The following PNCK variants were observed in gnomAD, a reference collection of about 807,000 sequenced individuals.
PNCK encodes calcium/calmodulin-dependent protein kinase type 1B.
In PNCK, 21 loss-of-function variants were observed where a neutral mutation model predicts 28.3. The observed-to-expected ratio is 0.74, with a 90% confidence interval of 0.53 to 1.07. The LOEUF (loss-of-function observed/expected upper bound fraction) is 1.07. PNCK is among the 50% of genes least tolerant of loss of function. PNCK has a pLI of 0.00. For synonymous variants in PNCK, 136 were observed against 125.2 expected, an observed-to-expected ratio of 1.09 and a Z score of -0.58; for missense variants, 250 against 298.3, an observed-to-expected ratio of 0.84 and a Z score of 1.19.
intron 1 of PNCK, among the ~76,000 whole-genome samples, chrX:153,682,766 C>G (rs1369764598): frequency 8.9e-6 from 1 of 112,137 alleles, no homozygotes; most frequent in Non-Finnish European, 1.9e-5. Context: ...ATTTGTAATT[C>G]TCCCCACCCT....
At chrX:153,687,577 G>A, upstream of PNCK, 1 of 320,465 alleles carries the variant, frequency 3.1e-6, no homozygotes, top group Non-Finnish European at 6.0e-6. Context: ...AGGGAGAGAA[G>A]GGGAGGCGGA....
At position 153,669,864 on chromosome X, in the gene PNCK, C is replaced by T. The variant is rs782262417; in HGVS notation, c.*274G>A. The T allele has an allele frequency of 1.6e-4, 53 of 341,352 alleles. No homozygotes were observed. The highest frequency in any genetic ancestry group is 2.6e-4 in the Non-Finnish European group (45 of 170,009). The allele number at this position is 341,352 out of a possible 1,213,427, so 28.1% of individuals were successfully genotyped here. A position where few individuals can be genotyped will look rare whatever the true frequency, so the allele number is the denominator to read the frequency against. On this transcript the variant is annotated 3_prime_UTR_variant, in exon 12 of 12. Transcript: ENST00000340888. ...TGCAGGAAAGACAGCCCCTGAGGCC[C>T]GCCTGCCAGCACCCCCTCGGCTTTT...
At chrX:153,680,669 G>A (rs981621089) in intron 1 of PNCK, among the ~76,000 whole-genome samples, 3 of 110,364 alleles carry the variant, frequency 2.7e-5, no homozygotes, top group African/African-American at 9.9e-5. Context: ...GGAGGTTGCA[G>A]TGAGCCAAGA....
chrX:153,687,530 G>A (rs1434257197), exon 1 of PNCK: 115 of 322,576 alleles, frequency 3.6e-4, no homozygotes, highest in African/African-American at 2.2e-3. Context: ...GGGAGCACCG[G>A]GAGGAGACGG....
At chrX:153,672,056 G>C in intron 4 of PNCK, 38 bp from the exon 5 acceptor site, 1 of 1,204,397 alleles carries the variant, frequency 8.3e-7, no homozygotes, top group Non-Finnish European at 1.1e-6. Flanking sequence ...CAGGCACTCA[G>C]CCTGGCCTTC....
chrX:153,680,795 C>T (rs2091391817), intron 1 of PNCK, among the ~76,000 whole-genome samples: 1 of 109,799 alleles, frequency 9.1e-6, no homozygotes, highest in African/African-American at 3.3e-5. Context: ...TTTGGGAGGC[C>T]GAGGAGGGTG....
upstream of PNCK, among the ~76,000 whole-genome samples, chrX:153,677,737 T>C (rs1367836411): frequency 1.2e-5 from 1 of 81,874 alleles, no homozygotes; most frequent in Non-Finnish European, 2.4e-5. Context: ...AGTGTATATA[T>C]AGTGTGTATA....
At chrX:153,670,369 TC>T in intron 11 of PNCK, 80 bp downstream of exon 11, 2 of 1,169,838 alleles carry the variant, frequency 1.7e-6, no homozygotes, top group Non-Finnish European at 2.3e-6. Flanking sequence ...CCCACTTAGC[TC>T]TTGGCCACAT....
At chrX:153,685,074 C>T (rs1009615458) in intron 1 of PNCK, among the ~76,000 whole-genome samples, 137 of 104,126 alleles carry the variant, frequency 1.3e-3, no homozygotes, top group African/African-American at 4.5e-3. Flanking sequence ...CCTGCACATG[C>T]TCGGAACCCC....
Position 153,669,850 on chromosome X carries a change from C to T in PNCK, c.*288G>A, listed in dbSNP as rs1557039014. The T allele has an allele frequency of 5.8e-6, 2 of 342,871 alleles. No homozygotes were observed. Among genetic ancestry groups the T allele is most frequent in the Non-Finnish European group, 1.2e-5 (2 of 170,260 alleles). The allele number at this position is 342,871 out of a possible 1,213,427, so 28.3% of individuals were successfully genotyped here. A position where few individuals can be genotyped will look rare whatever the true frequency, so the allele number is the denominator to read the frequency against. On this transcript the variant is annotated 3_prime_UTR_variant, in exon 12 of 12. Coordinates refer to ENST00000340888, the MANE Select transcript of PNCK (RefSeq NM_001366977.1). ...GCACACAACAGCCGTGCAGGAAAGA[C>T]AGCCCCTGAGGCCCGCCTGCCAGCA...
At chrX:153,684,217 G>A (rs2091407303) in intron 1 of PNCK, among the ~76,000 whole-genome samples, 1 of 112,735 alleles carries the variant, frequency 8.9e-6, no homozygotes, top group African/African-American at 3.2e-5. Flanking sequence ...CTCACTGGCA[G>A]AATTTTGTTA....
At chrX:153,680,539 C>T (rs998135296) in intron 1 of PNCK, among the ~76,000 whole-genome samples, 1 of 105,912 alleles carries the variant, frequency 9.4e-6, no homozygotes, top group African/African-American at 3.8e-5. Context: ...TTATAAATTA[C>T]CCAGCCTCAG....
upstream of PNCK, chrX:153,675,173 A>G (rs1425371402): frequency 1.8e-5 from 2 of 112,905 alleles, no homozygotes; most frequent in African/African-American, 6.4e-5. Flanking sequence ...GTTTACAGAT[A>G]CCTACAGATA....
chrX:153,671,249 G>C, intron 7 of PNCK, 36 bp downstream of exon 7: 1 of 1,208,568 alleles, frequency 8.3e-7, no homozygotes, highest in South Asian at 1.8e-5. Context: ...GCAGGGGCAG[G>C]CAGGCAGGAG....
chrX:153,673,608 A>C, intron 1 of PNCK, 172 bp downstream of exon 1: 1 of 263,989 alleles, frequency 3.8e-6, no homozygotes. Flanking sequence ...GAGCAGGGGG[A>C]CCTGGCAGCC....
At chrX:153,675,992 T>C (rs781927609), upstream of PNCK, among the ~76,000 whole-genome samples, 12 of 102,356 alleles carry the variant, frequency 1.2e-4, no homozygotes, top group Admixed American at 1.0e-4. Flanking sequence ...CTTTTCTTTT[T>C]TTTTTTTTTT....
chrX:153,680,991 T>G lies in PNCK; in HGVS notation c.-3+6440A>C, dbSNP rs1212052087. On this transcript the variant is annotated intron_variant, in intron 1 of 3. Coordinates refer to the PNCK transcript ENST00000419804. The stretch of plus-strand genomic sequence containing the variant: ...TTGCAGTGAGCGGAGATCACACAAC[T>G]GTCCGCCCGCCTGGGCAACAGAGTG... Among the ~76,000 whole-genome samples, 3 of 96,125 alleles carry G rather than the reference T, an allele frequency of 3.1e-5. No homozygotes were observed. In the East Asian group the frequency reaches 9.4e-4, roughly 30 times the overall value. The allele number at this position is 96,125 out of a possible 115,157, so 83.5% of individuals were successfully genotyped here.
intron 1 of PNCK, chrX:153,687,168 G>C (rs1292364755): frequency 5.9e-6 from 1 of 170,915 alleles, no homozygotes; most frequent in Non-Finnish European, 1.1e-5. Context: ...GGGGTGGGTG[G>C]GGGGCGGGCA....
In PNCK at chrX:153,672,823, C is replaced by T. The variant is rs1388977712; in HGVS notation, c.69-126G>A. The T allele has an allele frequency of 4.3e-6, 4 of 928,140 alleles. No homozygotes were observed. The East Asian group carries it at 1.4e-4, about 32-fold the overall frequency. The allele number at this position is 928,140 out of a possible 1,213,427, so 76.5% of individuals were successfully genotyped here. ...GGGGAGGCCCTACCTGGCCCTGTGC[C>T]ACCCCCCACCACCACTCACACATGC... On this transcript the variant is annotated intron_variant, in intron 2 of 11. Transcript: ENST00000340888.
Sources: gnomAD v4.1 joint callset for allele counts (sites outside exome capture counted in the v4.1 genomes callset) on GRCh38, gnomAD v4.1.1 for gene constraint, MANE v1.5 for transcripts, NCBI Gene and HGNC (gene_info 2026-07-23, HGNC 2026-07-21) for gene names.